LDLRAD4: variants seen among roughly 807,000 people sequenced by gnomAD.
LDLRAD4 encodes the protein low density lipoprotein receptor class A domain containing 4, also known as low-density lipoprotein receptor class A domain-containing protein 4.
Under a neutral mutation model 17.0 loss-of-function variants are expected in LDLRAD4, and 5 were observed. That is an observed-to-expected ratio of 0.29 (90% CI 0.15 to 0.62). The LOEUF is 0.62. Ranked by LOEUF, LDLRAD4 falls within the 20% of genes least tolerant of loss-of-function variation. The probability of loss-of-function intolerance (pLI) is 0.84; values close to 1 mark genes in which losing one functional copy is unlikely to be tolerated. For synonymous variants in LDLRAD4, 168 were observed against 171.8 expected (o/e 0.98, Z 0.17); for missense variants, 340 against 424.7 (o/e 0.80, Z 1.75).
exon 6 of LDLRAD4, chr18:13,650,872 A>G (rs2043215630): frequency 6.6e-6 from 1 of 152,394 alleles, no homozygotes; most frequent in African/African-American, 2.4e-5. Context: ...ATATTATAAC[A>G]CAAGAGAAAG....
At chr18:13,507,277 T>C (rs1230363446) in intron 3 of LDLRAD4, among the ~76,000 whole-genome samples, 1 of 152,186 alleles carries the variant, frequency 6.6e-6, no homozygotes, top group Non-Finnish European at 1.5e-5. Flanking sequence ...ACCCGAGCAG[T>C]GTATGCTGTA....
intron 1 of LDLRAD4, among the ~76,000 whole-genome samples, chr18:13,371,491 G>A (rs995989370): frequency 6.6e-6 from 1 of 152,140 alleles, no homozygotes; most frequent in South Asian, 2.1e-4. Context: ...ACAGTTGGCC[G>A]GGCGCAGTGG....
intron 1 of LDLRAD4, among the ~76,000 whole-genome samples, chr18:13,224,028 C>T (rs891910900): frequency 6.6e-6 from 1 of 152,198 alleles, no homozygotes; most frequent in African/African-American, 2.4e-5. Flanking sequence ...GGACTCTATC[C>T]AGCCAGCAAG....
intron 2 of LDLRAD4, among the ~76,000 whole-genome samples, chr18:13,393,566 T>C (rs1292651436): frequency 6.6e-6 from 1 of 152,118 alleles, no homozygotes; most frequent in African/African-American, 2.4e-5. Context: ...GTTGAGCAAA[T>C]ATTGACGGAG....
chr18:13,594,757 G>A (rs1601607794), intron 3 of LDLRAD4, among the ~76,000 whole-genome samples: 1 of 151,406 alleles, frequency 6.6e-6, no homozygotes, highest in East Asian at 1.9e-4. Context: ...GAATGAGTGG[G>A]GAAGTGTTCT....
At chr18:13,497,105 C>G (rs533761863) in intron 3 of LDLRAD4, among the ~76,000 whole-genome samples, 2 of 152,216 alleles carry the variant, frequency 1.3e-5, no homozygotes, top group Non-Finnish European at 2.9e-5. Context: ...AATGAGCATT[C>G]TCTAGTCTAA....
chr18:13,469,145 T>C (rs1488617080), intron 3 of LDLRAD4, among the ~76,000 whole-genome samples: 1 of 152,220 alleles, frequency 6.6e-6, no homozygotes, highest in Non-Finnish European at 1.5e-5. Flanking sequence ...CAAGTATTCT[T>C]AGTTATTTGA....
chr18:13,366,329 AGGAAGAGACCCTG>A (rs1389111376), intron 1 of LDLRAD4: 1 of 150,904 alleles, frequency 6.6e-6, no homozygotes, highest in Non-Finnish European at 1.5e-5. Flanking sequence ...ATGAGTATTC[AGGAAGAGACCCTG>A]GTTGCTTCTC....
At chr18:13,487,201 T>C (rs2093247404) in intron 3 of LDLRAD4, 1 of 152,210 alleles carries the variant, frequency 6.6e-6, no homozygotes, top group African/African-American at 2.4e-5. Flanking sequence ...CCTTGCTGCC[T>C]CTCCAGGAAG....
chr18:13,219,541 C>T (rs751390340), intron 1 of LDLRAD4, among the ~76,000 whole-genome samples: 17 of 152,100 alleles, frequency 1.1e-4, no homozygotes, highest in Non-Finnish European at 1.3e-4. Context: ...ATGTGTTAGG[C>T]ATTGTAGGAT....
At position 13,367,828 on chromosome 18, in the gene LDLRAD4, C is replaced by T. The variant is rs1283877205; in HGVS notation, c.-382-19513C>T. On this transcript the variant is annotated intron_variant, in intron 1 of 5. Transcript: ENST00000359446. The surrounding 1 kb of genome is among the most constrained non-coding windows in gnomAD (Gnocchi z 4.1). ...AGGGGATGTACTGAGAGAGAGGGGA[C>T]AGTGGGGTGTGGGGGTGTGCTATCA... Among the ~76,000 whole-genome samples the T allele has an allele frequency of 6.9e-6, 1 of 144,552 alleles. No homozygotes were observed. The highest frequency in any genetic ancestry group is 6.9e-5 in the Admixed American group (1 of 14,458). 94.8% of individuals were successfully genotyped at this position (144,552 alleles called of 152,430 possible). A position where few individuals can be genotyped will look rare whatever the true frequency, so the allele number is the denominator to read the frequency against.
At chr18:13,644,993 C>CT (rs11357998) in intron 5 of LDLRAD4, 134 bp from the exon 7 acceptor site, 1,682 of 597,006 alleles carry the variant, frequency 2.8e-3, no homozygotes, top group South Asian at 3.6e-3. Context: ...TTCCTGTTTT[C>CT]TTTTTTTTTT....
chr18:13,231,178 C>T (rs1002503430), intron 1 of LDLRAD4, among the ~76,000 whole-genome samples: 1 of 152,132 alleles, frequency 6.6e-6, no homozygotes, highest in African/African-American at 2.4e-5. Context: ...GTATAGATGT[C>T]TATGGGTGAG....
chr18:13,547,066 C>T (rs1190472609), intron 3 of LDLRAD4, among the ~76,000 whole-genome samples: 1 of 152,182 alleles, frequency 6.6e-6, no homozygotes, highest in Non-Finnish European at 1.5e-5. Flanking sequence ...GCAGTGGGCC[C>T]CGATGTTGAC....
intron 1 of LDLRAD4, among the ~76,000 whole-genome samples, chr18:13,271,015 A>T (rs1011288637): frequency 3.3e-5 from 5 of 152,094 alleles, no homozygotes; most frequent in African/African-American, 1.2e-4. Flanking sequence ...ACTATGGGGG[A>T]TTTACAGAGG....
chr18:13,388,821 C>G (rs920774622), intron 2 of LDLRAD4, among the ~76,000 whole-genome samples: 3 of 152,232 alleles, frequency 2.0e-5, no homozygotes. Flanking sequence ...CAACCTCGGC[C>G]GCTTCCGTGC....
At chr18:13,649,428 C>A (rs2043149888) in exon 6 of LDLRAD4, 3 of 152,456 alleles carry the variant, frequency 2.0e-5, no homozygotes, top group African/African-American at 7.2e-5. Context: ...AGCGGCTCTT[C>A]TTTTTAGGAA....
At chr18:13,321,861 C>CAAAAAAAAAAAAAAAAAAAAAAA (rs57033432) in intron 1 of LDLRAD4, among the ~76,000 whole-genome samples, 53 of 62,140 alleles carry the variant, frequency 8.5e-4, no homozygotes, top group East Asian at 1.1e-3. Context: ...GACTCCGTCT[C>CAAAAAAAAAAAAAAAAAAAAAAA]AAAAAAAAAA....
intron 3 of LDLRAD4, among the ~76,000 whole-genome samples, chr18:13,567,110 C>T (rs1445671876): frequency 6.6e-6 from 1 of 152,220 alleles, no homozygotes; most frequent in African/African-American, 2.4e-5. Context: ...ACCTCATCCT[C>T]ATCGTGGGTT....
Sources: allele counts gnomAD v4.1 joint callset (sites outside exome capture counted in the v4.1 genomes callset), GRCh38; gene constraint gnomAD v4.1.1; non-coding constraint Gnocchi (gnomAD v3.1); transcripts MANE v1.5; gene names NCBI Gene and HGNC (gene_info 2026-07-23, HGNC 2026-07-21).